The following ATP13A4 variants were observed in gnomAD, a reference collection of about 807,000 sequenced individuals.
ATP13A4 encodes the protein ATPase 13A4, also known as probable cation-transporting ATPase 13A4.
Under a neutral mutation model 142.5 loss-of-function variants are expected in ATP13A4, and 114 were observed. That is an observed-to-expected ratio of 0.80 (90% CI 0.69 to 0.93). ATP13A4 has a LOEUF of 0.93. Among genes scored for constraint, ATP13A4 ranks in the 40% least tolerant of loss-of-function variants. The pLI is 0.00. For synonymous variants in ATP13A4, 488 were observed against 514.8 expected (o/e 0.95, Z 0.70); for missense variants, 1,392 against 1,454.0 (o/e 0.96, Z 0.69).
At chr3:193,554,912 C>T, upstream of ATP13A4, 1 of 1,608,394 alleles carries the variant, frequency 6.2e-7, no homozygotes. Flanking sequence ...GTTAATGATC[C>T]TCCAGGTTAA....
At chr3:193,527,417 G>C (rs1722066084) in intron 1 of ATP13A4, among the ~76,000 whole-genome samples, 1 of 152,088 alleles carries the variant, frequency 6.6e-6, no homozygotes, top group Non-Finnish European at 1.5e-5. Flanking sequence ...TTCGAGACTA[G>C]TCTGGACAAC....
At chr3:193,422,638 C>A (rs1715465354) in intron 25 of ATP13A4, among the ~76,000 whole-genome samples, 1 of 148,984 alleles carries the variant, frequency 6.7e-6, no homozygotes, top group Non-Finnish European at 1.5e-5. Flanking sequence ...ACCAATGAGT[C>A]AATGAAGAAA....
rs549461202 is a variant in ATP13A4 at position 193,400,998 on chromosome 3, G to A, written c.*1654C>T. 1.3e-5 allele frequency among the ~76,000 whole-genome samples: 2 copies of A among 152,216 alleles called. No homozygotes were observed. The highest frequency in any genetic ancestry group is 2.4e-5 in the African/African-American group (1 of 41,534). On this transcript the variant is annotated 3_prime_UTR_variant, in exon 30 of 30. Coordinates refer to ENST00000342695, the MANE Select transcript of ATP13A4 (RefSeq NM_032279.4). The stretch of plus-strand genomic sequence containing the variant: ...TCTTGAAACACTAAAATATCTTCAC[G>A]CCCTATTTTAAAACCAGAAGTAACA...
Position 193,505,766 on chromosome 3 carries a change from G to C in ATP13A4, c.235-3127C>G, listed in dbSNP as rs541027837. 2.6e-5 allele frequency among the ~76,000 whole-genome samples: 4 copies of C among 152,262 alleles called. No individual in the cohort carries two copies. The South Asian group carries it at 8.3e-4, about 32-fold the overall frequency. ...AAGGAAAAAAAGCAAAGAAATGGAA[G>C]GAAAGTACACCAGTGTGAAGTGGTC... On this transcript the variant is annotated intron_variant, in intron 2 of 29. Coordinates refer to ENST00000342695, the MANE Select transcript of ATP13A4 (RefSeq NM_032279.4).
intron 2 of ATP13A4, among the ~76,000 whole-genome samples, chr3:193,574,357 C>T (rs553087314): frequency 6.6e-6 from 1 of 152,322 alleles, no homozygotes; most frequent in East Asian, 1.9e-4. Flanking sequence ...CTTCTTGAAA[C>T]ACTTTTTCCT....
chr3:193,406,433 A>G (rs1714499161), intron 29 of ATP13A4, among the ~76,000 whole-genome samples: 1 of 152,236 alleles, frequency 6.6e-6, no homozygotes, highest in South Asian at 2.1e-4. Flanking sequence ...AAATAGAGAC[A>G]GATGGAATTC....
At chr3:193,448,487 C>A (rs549950645) in intron 17 of ATP13A4, among the ~76,000 whole-genome samples, 157 bp from the exon 18 acceptor site, 1 of 152,168 alleles carries the variant, frequency 6.6e-6, no homozygotes, top group African/African-American at 2.4e-5. Flanking sequence ...AGGTGCCCAC[C>A]ACCACGCCCG....
rs370750736 is a variant in ATP13A4 at position 193,465,347 on chromosome 3, CT to C, written c.1273-220del. ...GGATTACAGGCACACGCCACCACACCTGGCTAATTTTTGTATTTTTAGTAGA... is the reference window on the plus strand; with the variant it reads ...GGATTACAGGCACACGCCACCACACCGGCTAATTTTTGTATTTTTAGTAGA... On this transcript the variant is annotated intron_variant, in intron 11 of 29. Transcript: ENST00000342695. 4.5e-4 allele frequency among the ~76,000 whole-genome samples: 68 copies of C among 152,280 alleles called. 1 individual carries two copies. The highest frequency in any genetic ancestry group is 1.6e-3 in the African/African-American group (67 of 41,560).
intron 2 of ATP13A4, among the ~76,000 whole-genome samples, chr3:193,562,094 G>A (rs1724029479): frequency 6.6e-6 from 1 of 152,106 alleles, no homozygotes; most frequent in African/African-American, 2.4e-5. Flanking sequence ...GCAGAGAATA[G>A]CAGTAGTTCC....
chr3:193,440,703 A>G, intron 20 of ATP13A4, 66 bp from the exon 21 acceptor site: 1 of 1,519,418 alleles, frequency 6.6e-7, no homozygotes, highest in African/African-American at 1.4e-5. Context: ...ATAATTACTA[A>G]CACTCAGAAT....
intron 2 of ATP13A4, among the ~76,000 whole-genome samples, chr3:193,512,400 C>T (rs1030650464): frequency 2.0e-5 from 3 of 152,106 alleles, no homozygotes; most frequent in Non-Finnish European, 4.4e-5. Context: ...TAGCACTTTA[C>T]TAAATCTGGA....
intron 29 of ATP13A4, chr3:193,403,975 A>T: frequency 3.0e-6 from 3 of 985,410 alleles, no homozygotes; most frequent in Non-Finnish European, 3.6e-6. Context: ...TCCACTGCCC[A>T]TGAAAGGATA....
intron 2 of ATP13A4, among the ~76,000 whole-genome samples, chr3:193,514,050 G>A (rs776137768): frequency 4.6e-5 from 7 of 152,142 alleles, no homozygotes; most frequent in Non-Finnish European, 1.0e-4. Context: ...TTGTGAAATC[G>A]CTCTTCTTGA....
intron 29 of ATP13A4, among the ~76,000 whole-genome samples, chr3:193,406,960 C>T (rs191728659): frequency 1.8e-4 from 27 of 152,230 alleles, no homozygotes; most frequent in Non-Finnish European, 3.1e-4. Context: ...AGTGAGTGCA[C>T]TAAACACTAC....
In ATP13A4 at chr3:193,465,065, G is replaced by A. The variant is rs747912905; in HGVS notation, c.1336C>T (p.Leu446=). 3.7e-6 allele frequency: 6 copies of A among 1,614,140 alleles called. No individual in the cohort carries two copies. Among genetic ancestry groups the A allele is most frequent in the Non-Finnish European group, 5.1e-6 (6 of 1,180,024 alleles). ...ATGCCTGTGGTCAGAGCAGCAGGTA[G>A]AGCCGGAGGAACCGCAATTGTGATG... ...DVITIAVPPA[L]PAALTTGIIY... Residue 446 remains leucine, a synonymous_variant, in exon 12 of 30, where the codon CTA becomes TTA. Coordinates refer to ENST00000342695, the MANE Select transcript of ATP13A4 (RefSeq NM_032279.4).
chr3:193,519,669 T>G (rs545441852), intron 1 of ATP13A4, among the ~76,000 whole-genome samples: 40 of 135,638 alleles, frequency 2.9e-4, no homozygotes, highest in African/African-American at 1.1e-3. Flanking sequence ...GACAGAATCT[T>G]GCTCTGACTC....
chr3:193,541,233 AGC>A (rs71932445), intron 1 of ATP13A4, among the ~76,000 whole-genome samples: 11,073 of 131,836 alleles, frequency 0.084, 476 homozygotes, highest in Non-Finnish European at 0.11. Context: ...TGGGCGACAG[AGC>A]GAGACTCCTT....
intron 17 of ATP13A4, among the ~76,000 whole-genome samples, chr3:193,448,618 G>A (rs1717096001): frequency 6.6e-6 from 1 of 152,168 alleles, no homozygotes; most frequent in Admixed American, 6.5e-5. Flanking sequence ...TTACAGGCGT[G>A]AGCCACTGCA....
intron 25 of ATP13A4, among the ~76,000 whole-genome samples, chr3:193,430,764 G>C (rs1715926458): frequency 6.6e-6 from 1 of 152,070 alleles, no homozygotes; most frequent in Non-Finnish European, 1.5e-5. Flanking sequence ...GGTGAAGTTG[G>C]TGAAGTAGTC....
Sources: gnomAD v4.1 joint callset for allele counts (sites outside exome capture counted in the v4.1 genomes callset) on GRCh38, gnomAD v4.1.1 for gene constraint, MANE v1.5 for transcripts, NCBI Gene and HGNC (gene_info 2026-07-23, HGNC 2026-07-21) for gene names.